Variants in PPFIA2 observed in about 807,000 individuals in gnomAD.
PPFIA2 encodes the protein liprin-alpha-2.
Under a neutral mutation model 175.5 loss-of-function variants are expected in PPFIA2, and 46 were observed. That is an observed-to-expected ratio of 0.26 (90% CI 0.21 to 0.34). The LOEUF (loss-of-function observed/expected upper bound fraction) is 0.34, where lower values mean the gene tolerates loss of function less well. Among genes scored for constraint, PPFIA2 ranks in the 10% least tolerant of loss-of-function variants. The pLI is 1.00. For synonymous variants in PPFIA2, 568 were observed against 511.4 expected (o/e 1.11, Z -1.49); for missense variants, 1,179 against 1,506.1 (o/e 0.78, Z 3.60).
rs558475647 is a variant in PPFIA2, at chr12:81,634,723, C to T, written c.303+42068G>A. 1.2e-3 allele frequency among the ~76,000 whole-genome samples: 179 copies of T among 152,112 alleles called. 1 individual carries two copies. The highest frequency in any genetic ancestry group is 6.8e-3 in the Middle Eastern group (2 of 294). ...ACATGAGGCACTGTGATCATTTTTG[C>T]TTCAACCATTAAACATAATTCTGAA... On this transcript the variant is annotated intron_variant, in intron 4 of 32. Coordinates refer to ENST00000549396, the MANE Select transcript of PPFIA2 (RefSeq NM_003625.5).
intron 11 of PPFIA2, among the ~76,000 whole-genome samples, chr12:81,372,841 C>T (rs1397377918): frequency 6.6e-6 from 1 of 151,374 alleles, no homozygotes; most frequent in South Asian, 2.1e-4. Flanking sequence ...GGAAGAATTC[C>T]AATTTTCTGA....
chr12:81,644,069 T>C (rs1206669600), intron 4 of PPFIA2, among the ~76,000 whole-genome samples: 1 of 152,030 alleles, frequency 6.6e-6, no homozygotes, highest in Non-Finnish European at 1.5e-5. Context: ...AAATGTTATG[T>C]GCATTAAACA....
At chr12:81,461,983 T>C (rs962171872) in intron 4 of PPFIA2, among the ~76,000 whole-genome samples, 8 of 152,010 alleles carry the variant, frequency 5.3e-5, no homozygotes, top group African/African-American at 1.9e-4. Flanking sequence ...GGTCTTAGCA[T>C]AGTTCCTGGA....
chr12:81,740,159 A>C (rs2082155104), intron 3 of PPFIA2, among the ~76,000 whole-genome samples: 1 of 152,170 alleles, frequency 6.6e-6, no homozygotes, highest in Non-Finnish European at 1.5e-5. Context: ...CCAGTCATTC[A>C]GAATCTTACT....
chr12:81,473,412 C>G (rs1277346578), intron 4 of PPFIA2, among the ~76,000 whole-genome samples: 1 of 151,928 alleles, frequency 6.6e-6, no homozygotes, highest in African/African-American at 2.4e-5. Context: ...CCACCTCAAA[C>G]AAACAAACAA....
chr12:81,694,097 A>T (rs2075605629), intron 3 of PPFIA2, among the ~76,000 whole-genome samples: 1 of 152,176 alleles, frequency 6.6e-6, no homozygotes, highest in African/African-American at 2.4e-5. Context: ...AAGTTTGGAA[A>T]ATCCATACCC....
intron 5 of PPFIA2, among the ~76,000 whole-genome samples, chr12:81,450,372 G>T (rs1244087795): frequency 2.6e-5 from 4 of 152,172 alleles, no homozygotes; most frequent in Non-Finnish European, 5.9e-5. Flanking sequence ...GTTTTGATTT[G>T]CATTCCTCTG....
chr12:81,701,904 T>C (rs2076527616), intron 3 of PPFIA2, among the ~76,000 whole-genome samples: 1 of 137,242 alleles, frequency 7.3e-6, no homozygotes, highest in Admixed American at 7.8e-5. Context: ...CTATACACTT[T>C]ATGGGAAGAC....
intron 28 of PPFIA2, among the ~76,000 whole-genome samples, chr12:81,271,094 ATT>A (rs1234126148): frequency 2.0e-5 from 3 of 152,146 alleles, no homozygotes; most frequent in Non-Finnish European, 4.4e-5. Flanking sequence ...ACAGCATATC[ATT>A]GTTTTTTAAT....
At chr12:81,664,059 A>C (rs1438220923) in intron 4 of PPFIA2, among the ~76,000 whole-genome samples, 5 of 152,188 alleles carry the variant, frequency 3.3e-5, no homozygotes, top group South Asian at 4.1e-4. Context: ...TAAAGACTTA[A>C]ATGTTAGACC....
At chr12:81,628,547 C>T (rs2062994439) in intron 4 of PPFIA2, among the ~76,000 whole-genome samples, 1 of 151,630 alleles carries the variant, frequency 6.6e-6, no homozygotes, top group Admixed American at 6.6e-5. Context: ...TGGCTGATTG[C>T]TTTGTATTTT....
chr12:81,658,517 C>G (rs1468227841), intron 4 of PPFIA2, among the ~76,000 whole-genome samples: 1 of 151,868 alleles, frequency 6.6e-6, no homozygotes, highest in Non-Finnish European at 1.5e-5. Context: ...TCCAGAAAAA[C>G]ATCTATCTTT....
intron 3 of PPFIA2, among the ~76,000 whole-genome samples, chr12:81,726,984 G>A (rs2080171762): frequency 6.6e-6 from 1 of 151,240 alleles, no homozygotes; most frequent in Non-Finnish European, 1.5e-5. Context: ...AAGACATGTG[G>A]GACAGAGCCA....
intron 8 of PPFIA2, among the ~76,000 whole-genome samples, chr12:81,405,511 C>CTATATATATA (rs1459877652): frequency 6.6e-6 from 1 of 151,068 alleles, no homozygotes. Context: ...AAATTCAATT[C>CTATATATATA]TATATAATTT....
At chr12:81,437,173 G>T (rs2049214174) in intron 7 of PPFIA2, among the ~76,000 whole-genome samples, 1 of 152,164 alleles carries the variant, frequency 6.6e-6, no homozygotes, top group Non-Finnish European at 1.5e-5. Flanking sequence ...CTCAAGGGCT[G>T]CTGTTCAATT....
intron 4 of PPFIA2, among the ~76,000 whole-genome samples, chr12:81,568,718 T>C (rs2071866194): frequency 6.6e-6 from 1 of 152,218 alleles, no homozygotes; most frequent in Non-Finnish European, 1.5e-5. Flanking sequence ...TATGCCTTTC[T>C]TTTTATCAAA....
chr12:81,503,686 T>C (rs2060835919), intron 4 of PPFIA2, among the ~76,000 whole-genome samples: 1 of 152,120 alleles, frequency 6.6e-6, no homozygotes, highest in Non-Finnish European at 1.5e-5. Flanking sequence ...TAATTATCTC[T>C]GGTCCCTAAT....
At chr12:81,415,199 AAAAAAAAAAAAATATATATATATAT>A (rs2044813672) in intron 7 of PPFIA2, among the ~76,000 whole-genome samples, 1 of 57,660 alleles carries the variant, frequency 1.7e-5, no homozygotes, top group African/African-American at 6.3e-5. Flanking sequence ...AAAAAAAAAA[AAAAAAAAAAAAATATATATATATAT>A]ATATATATAT....
At chr12:81,753,815 G>A (rs1369190097) in intron 3 of PPFIA2, among the ~76,000 whole-genome samples, 158 bp downstream of exon 3, 1 of 152,146 alleles carries the variant, frequency 6.6e-6, no homozygotes, top group Non-Finnish European at 1.5e-5. Context: ...TTTGAGGCAA[G>A]GTTTCAAGTG....
Sources: gnomAD v4.1 joint callset for allele counts (sites outside exome capture counted in the v4.1 genomes callset) on GRCh38, gnomAD v4.1.1 for gene constraint, MANE v1.5 for transcripts, NCBI Gene and HGNC (gene_info 2026-07-23, HGNC 2026-07-21) for gene names.